NXPE2: variants seen among roughly 807,000 people sequenced by gnomAD.
NXPE2 encodes the protein neurexophilin and PC-esterase domain family member 2.
Under a neutral mutation model 34.4 loss-of-function variants are expected in NXPE2, and 34 were observed. The observed-to-expected ratio is 0.99, with a 90% CI of 0.75 to 1.31. The LOEUF is 1.31. Among genes scored for constraint, NXPE2 ranks in the 40% most tolerant of loss-of-function variants. The pLI is 0.00. For missense variants in NXPE2, 649 were observed against 672.5 expected, an observed-to-expected ratio of 0.97 and a Z score of 0.39; for synonymous variants, 235 against 231.3, an observed-to-expected ratio of 1.02 and a Z score of -0.15.
the NXPE2 span, among the ~76,000 whole-genome samples, chr11:114,787,903 G>T: frequency 3.9e-5 from 6 of 152,120 alleles, no homozygotes; most frequent in South Asian, 1.0e-3. Flanking sequence ...TTTGGGACTC[G>T]GCTCTTTCCC....
At chr11:114,733,537 T>C in the NXPE2 span, among the ~76,000 whole-genome samples, 8 of 152,270 alleles carry the variant, frequency 5.3e-5, no homozygotes, top group South Asian at 1.7e-3. Flanking sequence ...TTCAAGGAGG[T>C]ATACCTATTT....
the NXPE2 span, chr11:114,583,720 A>C: frequency 1.8e-6 from 1 of 549,232 alleles, no homozygotes; most frequent in South Asian, 1.4e-5. Flanking sequence ...TTAATGATAC[A>C]ATCTGGGCCA....
the NXPE2 span, among the ~76,000 whole-genome samples, chr11:114,738,723 G>GATGTTGT: frequency 6.6e-6 from 1 of 152,228 alleles, no homozygotes; most frequent in Admixed American, 6.5e-5. Context: ...ACATCACTGT[G>GATGTTGT]CATACCACCT....
At chr11:114,614,062 C>T in the NXPE2 span, among the ~76,000 whole-genome samples, 14 of 144,704 alleles carry the variant, frequency 9.7e-5, no homozygotes, top group South Asian at 1.1e-3. Flanking sequence ...TAATAAGTGT[C>T]GCCTCATGCA....
the NXPE2 span, among the ~76,000 whole-genome samples, chr11:114,493,315 A>G: frequency 0.15 from 22,998 of 151,988 alleles, 1,956 homozygotes; most frequent in South Asian, 0.23. Context: ...TTTACATTCA[A>G]TGTTATTATT....
At chr11:114,773,280 C>CG in the NXPE2 span, among the ~76,000 whole-genome samples, 2 of 15,290 alleles carry the variant, frequency 1.3e-4, 1 homozygote, top group Non-Finnish European at 4.0e-4. Context: ...CCCACTCCCA[C>CG]CCCCCCCCCA....
chr11:114,659,671 G>A, the NXPE2 span, among the ~76,000 whole-genome samples: 4 of 152,054 alleles, frequency 2.6e-5, no homozygotes, highest in Admixed American at 6.6e-5. Flanking sequence ...TGCAGGTAAA[G>A]CAGTGTTTGA....
At chr11:114,560,978 T>C in the NXPE2 span, among the ~76,000 whole-genome samples, 1 of 152,188 alleles carries the variant, frequency 6.6e-6, no homozygotes, top group African/African-American at 2.4e-5. Flanking sequence ...GAATAATATT[T>C]TACTGACTAC....
chr11:114,559,584 G>T, the NXPE2 span, among the ~76,000 whole-genome samples: 1 of 151,830 alleles, frequency 6.6e-6, no homozygotes, highest in Non-Finnish European at 1.5e-5. Context: ...GCCTATCCTT[G>T]TCAGTAAGAG....
At chr11:114,609,835 C>T in the NXPE2 span, among the ~76,000 whole-genome samples, 1 of 150,954 alleles carries the variant, frequency 6.6e-6, no homozygotes, top group Non-Finnish European at 1.5e-5. Context: ...CATGGTAACC[C>T]GATGGATAAT....
At chr11:114,542,879 A>G in the NXPE2 span, among the ~76,000 whole-genome samples, 1 of 152,258 alleles carries the variant, frequency 6.6e-6, no homozygotes, top group Admixed American at 6.5e-5. Flanking sequence ...ATATATGATT[A>G]TAACACAAAA....
chr11:114,618,451 C>G, the NXPE2 span, among the ~76,000 whole-genome samples: 1 of 151,964 alleles, frequency 6.6e-6, no homozygotes, highest in Non-Finnish European at 1.5e-5. Flanking sequence ...TAAGTATTGC[C>G]TCATGGGTAA....
chr11:114,577,059 A>G, the NXPE2 span, among the ~76,000 whole-genome samples: 14,271 of 44,344 alleles, frequency 0.32, 1,128 homozygotes, highest in East Asian at 0.43. Flanking sequence ...ATATATATAC[A>G]TATATATATA....
Position 114,705,558 on chromosome 11 carries a change from T to C in NXPE2, c.929-223T>C, listed in dbSNP as rs533955756. ...GGGACACATTGCAAATGCACAAGAG[T>C]CAACAGATCCCCACTCCAAGAAAAA... On this transcript the variant is annotated intron_variant, in intron 4 of 5. Coordinates refer to ENST00000389586, the MANE Select transcript of NXPE2 (RefSeq NM_182495.6). Among the ~76,000 whole-genome samples the C allele has an allele frequency of 1.0e-3, 152 of 151,878 alleles. 1 individual carries two copies. The highest frequency in any genetic ancestry group is 3.4e-3 in the Middle Eastern group (1 of 294).
the NXPE2 span, among the ~76,000 whole-genome samples, chr11:114,498,369 T>G: frequency 1.3e-5 from 2 of 152,158 alleles, no homozygotes; most frequent in Admixed American, 1.3e-4. Context: ...CCAATTATCC[T>G]GATTTGATCA....
At chr11:114,693,965 G>T (rs927955834) in intron 2 of NXPE2, among the ~76,000 whole-genome samples, 4 of 152,160 alleles carry the variant, frequency 2.6e-5, no homozygotes, top group African/African-American at 9.6e-5. Context: ...TAAAATCAAG[G>T]TATTAGCAGG....
At chr11:114,633,505 C>A in the NXPE2 span, among the ~76,000 whole-genome samples, 1 of 150,296 alleles carries the variant, frequency 6.7e-6, no homozygotes, top group Admixed American at 6.7e-5. Flanking sequence ...GGTACATGTG[C>A]ACAATGTGCA....
At chr11:114,530,785 C>T in the NXPE2 span, 2 of 1,614,142 alleles carry the variant, frequency 1.2e-6, no homozygotes, top group Non-Finnish European at 1.7e-6. Flanking sequence ...TCTATGATTT[C>T]CTTTATTCTG....
chr11:114,513,769 G>A, the NXPE2 span, among the ~76,000 whole-genome samples: 1 of 152,100 alleles, frequency 6.6e-6, no homozygotes, highest in African/African-American at 2.4e-5. Context: ...ATTGAAAGAA[G>A]TAATTATTAA....
Sources: allele counts gnomAD v4.1 joint callset (sites outside exome capture counted in the v4.1 genomes callset), GRCh38; gene constraint gnomAD v4.1.1; transcripts MANE v1.5; gene names NCBI Gene and HGNC (gene_info 2026-07-23, HGNC 2026-07-21).